The following NPSR1 variants were observed in gnomAD, a reference collection of about 807,000 sequenced individuals.
The protein encoded by NPSR1 is neuropeptide S receptor.
Under a neutral mutation model 46.9 loss-of-function variants are expected in NPSR1, and 48 were observed. That is an observed-to-expected ratio of 1.02 (90% CI 0.81 to 1.30). The LOEUF (loss-of-function observed/expected upper bound fraction) is 1.30. Ranked by LOEUF, NPSR1 falls within the 50% of genes most tolerant of loss-of-function variation. The pLI is 0.00. For missense variants in NPSR1, 450 were observed against 449.5 expected (o/e 1.00, Z -0.01); for synonymous variants, 176 against 168.1 (o/e 1.05, Z -0.36).
chr7:34,816,221 G>C (rs1400287387), intron 4 of NPSR1, among the ~76,000 whole-genome samples: 1 of 131,888 alleles, frequency 7.6e-6, no homozygotes, highest in Non-Finnish European at 1.6e-5. Context: ...GATGGAGGAA[G>C]ATCTACCAAG....
chr7:34,706,227 C>T (rs376217493), intron 2 of NPSR1, among the ~76,000 whole-genome samples: 2 of 149,584 alleles, frequency 1.3e-5, no homozygotes, highest in African/African-American at 2.5e-5. Flanking sequence ...ATTTTTTGGT[C>T]GTCTGTTATG....
intron 2 of NPSR1, chr7:34,703,772 C>A (rs1211457234): frequency 6.6e-6 from 1 of 152,410 alleles, no homozygotes; most frequent in Non-Finnish European, 1.5e-5. Flanking sequence ...ATTTAATAAC[C>A]GTTTATATTT....
chr7:34,685,198 T>C (rs558092938), intron 2 of NPSR1, among the ~76,000 whole-genome samples: 1 of 152,204 alleles, frequency 6.6e-6, no homozygotes, highest in African/African-American at 2.4e-5. Context: ...TCGGGATGCT[T>C]AAGTGTAGAC....
At chr7:34,850,248 T>C (rs1790893075), downstream of NPSR1, among the ~76,000 whole-genome samples, 2 of 152,156 alleles carry the variant, frequency 1.3e-5, no homozygotes, top group Admixed American at 1.3e-4. Flanking sequence ...CAACAAATGA[T>C]TTGTGGAAAG....
At position 34,871,246 on chromosome 7, in the gene NPSR1, A is replaced by T. The variant is rs1361295902; in HGVS notation, c.1026-6830A>T. On this transcript the variant is annotated intron_variant, in intron 8 of 8. Coordinates refer to the NPSR1 transcript ENST00000359791. ...ATGGCAAGAGAGAGAGGGAGGAGGC[A>T]CCACACTCTCTTAAACAACCAGATG... 2.0e-5 allele frequency among the ~76,000 whole-genome samples: 3 copies of T among 151,622 alleles called. 1 individual carries two copies. Among genetic ancestry groups the T allele is most frequent in the African/African-American group, 7.3e-5 (3 of 40,934 alleles).
At chr7:34,823,440 T>C (rs1366749252) in intron 4 of NPSR1, among the ~76,000 whole-genome samples, 1 of 109,840 alleles carries the variant, frequency 9.1e-6, no homozygotes, top group Non-Finnish European at 2.0e-5. Context: ...GAATAGAAAA[T>C]GTATAGAAAT....
At chr7:34,791,117 TATA>T (rs1415590358) in intron 3 of NPSR1, among the ~76,000 whole-genome samples, 1 of 115,152 alleles carries the variant, frequency 8.7e-6, no homozygotes, top group African/African-American at 3.2e-5. Flanking sequence ...TGTTATATAA[TATA>T]ATATATATGT....
chr7:34,851,525 C>A (rs1277422042), downstream of NPSR1, among the ~76,000 whole-genome samples: 1 of 152,138 alleles, frequency 6.6e-6, no homozygotes, highest in Non-Finnish European at 1.5e-5. Flanking sequence ...AAGCTTTGAG[C>A]ATTTGAGAAA....
At chr7:34,736,393 C>G (rs1223386603) in intron 2 of NPSR1, among the ~76,000 whole-genome samples, 1 of 152,154 alleles carries the variant, frequency 6.6e-6, no homozygotes, top group African/African-American at 2.4e-5. Flanking sequence ...TTGAATTCCA[C>G]AGTCATTTTT....
chr7:34,684,008 T>C (rs996920193), intron 1 of NPSR1, among the ~76,000 whole-genome samples: 1 of 152,224 alleles, frequency 6.6e-6, no homozygotes, highest in East Asian at 1.9e-4. Context: ...TTTTACTGTA[T>C]TTCAGCCTTT....
intron 2 of NPSR1, among the ~76,000 whole-genome samples, chr7:34,765,608 G>A (rs772123013): frequency 7.2e-5 from 11 of 152,140 alleles, no homozygotes; most frequent in Non-Finnish European, 1.2e-4. Context: ...CCAAAAGGAC[G>A]CATGCACTCA....
intron 1 of NPSR1, among the ~76,000 whole-genome samples, chr7:34,678,743 G>A (rs551394023): frequency 6.0e-5 from 9 of 151,108 alleles, no homozygotes; most frequent in Non-Finnish European, 7.4e-5. Context: ...GGAGAATGGC[G>A]TGAACCCGGC....
At position 34,792,703 on chromosome 7, in the gene NPSR1, A is replaced by ATATATATATTTTTATATATATG. The variant is rs57249705; in HGVS notation, c.384+14147_384+14148insTTTTATATATATGTATATATAT. On this transcript the variant is annotated intron_variant, in intron 3 of 8. Coordinates refer to ENST00000360581, the MANE Select transcript of NPSR1 (RefSeq NM_207172.2). Reference sequence around the variant, plus strand: ...TATATATATATGTATATATATACGTATATATATATATTTATATATATATAT... The same window carrying ATATATATATTTTTATATATATG: ...TATATATATATGTATATATATACGTATATATATATTTTTATATATATGTATATATATATTTATATATATATAT... Among the ~76,000 whole-genome samples the ATATATATATTTTTATATATATG allele has an allele frequency of 5.5e-4, 49 of 88,504 alleles. 1 individual carries two copies. The highest frequency in any genetic ancestry group is 1.0e-3 in the South Asian group (3 of 2,914). The allele number at this position is 88,504 out of a possible 152,430, so 58.1% of individuals were successfully genotyped here.
Position 34,802,137 on chromosome 7 carries a change from T to C in NPSR1, c.385-9633T>C, listed in dbSNP as rs182589931. ...ATCAATATCGTGAAAATGCCCATAC[T>C]GCCCAAGGTATTTTATAGATTCAAT... On this transcript the variant is annotated intron_variant, in intron 3 of 8. Transcript: ENST00000360581. Among the ~76,000 whole-genome samples the C allele has an allele frequency of 3.2e-3, 482 of 150,516 alleles. 5 individuals carry two copies. Among genetic ancestry groups the C allele is most frequent in the Non-Finnish European group, 4.8e-3 (328 of 68,042 alleles).
At chr7:34,717,995 C>A (rs1157976093) in intron 2 of NPSR1, among the ~76,000 whole-genome samples, 1 of 152,228 alleles carries the variant, frequency 6.6e-6, no homozygotes, top group Non-Finnish European at 1.5e-5. Context: ...GCAAATCCAA[C>A]TGTACCTTAT....
chr7:34,743,938 C>T (rs958773133), intron 2 of NPSR1, among the ~76,000 whole-genome samples: 21 of 152,070 alleles, frequency 1.4e-4, no homozygotes, highest in Non-Finnish European at 1.2e-4. Context: ...TCTATGTACC[C>T]TTGAATACAT....
intron 3 of NPSR1, among the ~76,000 whole-genome samples, chr7:34,795,856 C>T (rs1398345394): frequency 4.6e-5 from 7 of 152,068 alleles, no homozygotes; most frequent in African/African-American, 1.7e-4. Context: ...TCAACACAGT[C>T]CCAGTCAGTA....
chr7:34,822,458 T>A (rs1403907632), intron 4 of NPSR1, among the ~76,000 whole-genome samples: 1 of 152,204 alleles, frequency 6.6e-6, no homozygotes, highest in Non-Finnish European at 1.5e-5. Context: ...GAAGCAGTAT[T>A]TTTCTTAGCC....
chr7:34,868,603 G>A (rs1445721093), intron 8 of NPSR1, among the ~76,000 whole-genome samples: 3 of 151,676 alleles, frequency 2.0e-5, no homozygotes. Context: ...CTCGGCAGAA[G>A]AGAGAAACCT....
Sources: gnomAD v4.1 joint callset for allele counts (sites outside exome capture counted in the v4.1 genomes callset) on GRCh38, gnomAD v4.1.1 for gene constraint, MANE v1.5 for transcripts, NCBI Gene and HGNC (gene_info 2026-07-23, HGNC 2026-07-21) for gene names.